The following VAT1 variants were observed in gnomAD, a reference collection of about 807,000 sequenced individuals.
VAT1 encodes NADPH-dependent quinone oxidoreductase VAT1.
Under a neutral mutation model 33.3 loss-of-function variants are expected in VAT1, and 24 were observed. That is an observed-to-expected ratio of 0.72 (90% CI 0.52 to 1.01). The LOEUF (loss-of-function observed/expected upper bound fraction) is 1.01. VAT1 is among the 50% of genes least tolerant of loss of function. The pLI, the probability that VAT1 is intolerant of heterozygous loss-of-function variation, is 0.00. For synonymous variants in VAT1, 212 were observed against 225.0 expected (o/e 0.94, Z 0.52); for missense variants, 436 against 533.7 (o/e 0.82, Z 1.80).
rs770970695 is a variant in VAT1 at position 43,018,748 on chromosome 17, C to T, written c.439G>A (p.Val147Met). Residue 147 changes from valine (V) to methionine (M), a missense_variant, in exon 2 of 6, where the codon GTG becomes ATG. Coordinates refer to ENST00000355653, the MANE Select transcript of VAT1 (RefSeq NM_006373.4). ...AAGGTCTGGACCGAGGGCACAGTCA[C>T]CTCTTCCTGCCACATCCCTGACCGG... ...LNRSGMWQEEVTVPSVQTFLI... is the reference protein window; with the variant it reads ...LNRSGMWQEEMTVPSVQTFLI... 7 of 1,614,014 alleles carry T rather than the reference C, an allele frequency of 4.3e-6. No homozygotes were observed. The African/African-American group carries it at 8.0e-5, about 18-fold the overall frequency.
chr17:43,018,957 CAACAAT>C, intron 1 of VAT1, 158 bp from the exon 2 acceptor site: 1 of 746,334 alleles, frequency 1.3e-6, no homozygotes, highest in East Asian at 2.7e-5. Context: ...TCATCATCAA[CAACAAT>C]AACAACTCAC....
chr17:43,018,961 A>G, intron 1 of VAT1, 162 bp from the exon 2 acceptor site: 2 of 739,484 alleles, frequency 2.7e-6, no homozygotes, highest in Non-Finnish European at 4.4e-6. Context: ...CATCAACAAC[A>G]ATAACAACTC....
chr17:43,015,916 G>A lies in VAT1; in HGVS notation c.*145C>T. On this transcript the variant is annotated 3_prime_UTR_variant, in exon 6 of 6. Transcript: ENST00000355653. ...AGGTCAGGAAGCGGGGAGGGGCAGG[G>A]GAGAGCGGTCATCACCACAGAGACC... 4 of 877,566 alleles carry A rather than the reference G, an allele frequency of 4.6e-6. No individual in the cohort carries two copies. The highest frequency in any genetic ancestry group is 7.4e-6 in the Non-Finnish European group (4 of 542,894). The allele number at this position is 877,566 out of a possible 1,614,324, so 54.4% of individuals were successfully genotyped here.
chr17:43,022,278 G>C lies in VAT1; in HGVS notation c.45C>G (p.Asp15Glu), dbSNP rs994582685. ...REVAEAATGEDASSPPPKTEA... is the reference protein window; with the variant it reads ...REVAEAATGEEASSPPPKTEA... ...CGGTTTTCGGAGGCGGCGAAGAGGC[G>C]TCTTCCCCGGTCGCTGCCTCGGCTA... The change falls in exon 1 of 6, where the codon GAC becomes GAG. Residue 15 changes from aspartate to glutamate, a missense_variant. Around this residue, in one of 2 missense-constraint regions of VAT1, gnomAD observed 154 missense variants for 128.3 expected, o/e 1.20. Coordinates refer to ENST00000355653, the MANE Select transcript of VAT1 (RefSeq NM_006373.4). 6.3e-7 allele frequency: 1 copy of C among 1,588,774 alleles called. No homozygotes were observed. The highest frequency in any genetic ancestry group is 1.3e-5 in the African/African-American group (1 of 74,350).
At chr17:43,020,844 C>T (rs1420377620) in intron 1 of VAT1, among the ~76,000 whole-genome samples, 3 of 145,916 alleles carry the variant, frequency 2.1e-5, no homozygotes, top group Non-Finnish European at 1.5e-5. Flanking sequence ...CATTGCACTC[C>T]AGCCTGGGCA....
chr17:43,021,155 C>G (rs980397036), intron 1 of VAT1, among the ~76,000 whole-genome samples: 1 of 152,222 alleles, frequency 6.6e-6, no homozygotes, highest in Non-Finnish European at 1.5e-5. Flanking sequence ...GTGGGTCCCC[C>G]CTTCCACTCC....
At position 43,022,168 on chromosome 17, in the gene VAT1, A is replaced by G. The variant is rs1013778797; in HGVS notation, c.155T>C (p.Val52Ala). 2 of 1,559,074 alleles carry G rather than the reference A, an allele frequency of 1.3e-6. No homozygotes were observed. Among genetic ancestry groups the G allele is most frequent in the Non-Finnish European group, 1.7e-6 (2 of 1,151,226 alleles). ...AASPPLLRCL[V>A]LTGFGGYDKV... Reference sequence around the variant, plus strand: ...GTCGTAGCCTCCAAAGCCGGTGAGCACTAGGCAGCGCAGCAGTGGCGGCGA... The same window carrying G: ...GTCGTAGCCTCCAAAGCCGGTGAGCGCTAGGCAGCGCAGCAGTGGCGGCGA... The change falls in exon 1 of 6, where the codon GTG becomes GCG. Residue 52 changes from valine (V) to alanine (A), a missense_variant. Transcript: ENST00000355653.
At position 43,014,896 on chromosome 17, in the gene VAT1, C is replaced by G. The variant is rs2050508375; in HGVS notation, c.*1165G>C. 6.5e-6 allele frequency: 1 copy of G among 152,706 alleles called. No individual in the cohort carries two copies. Among genetic ancestry groups the G allele is most frequent in the Admixed American group, 6.5e-5 (1 of 15,276 alleles). 9.5% of individuals were successfully genotyped at this position (152,706 alleles called of 1,614,324 possible). ...GTACTTCCCTGCTCCATCTCCCCAC[C>G]CATGTAAACAGAGTTTTGGGCTGAG... On this transcript the variant is annotated 3_prime_UTR_variant, in exon 6 of 6. Coordinates refer to ENST00000355653, the MANE Select transcript of VAT1 (RefSeq NM_006373.4).
intron 1 of VAT1, among the ~76,000 whole-genome samples, chr17:43,021,066 G>T (rs951673762): frequency 6.6e-6 from 1 of 152,076 alleles, no homozygotes; most frequent in Non-Finnish European, 1.5e-5. Flanking sequence ...AGTTCAAGGC[G>T]CCGCACCTCT....
chr17:43,015,453 C>G lies in VAT1; in HGVS notation c.*608G>C, dbSNP rs558454689. On this transcript the variant is annotated 3_prime_UTR_variant, in exon 6 of 6. Transcript: ENST00000355653. ...GTGACCTAGGGGAGTAGGTCTGATTCCCGCCCTGTTGGAAGAGGCAGCCTT... is the reference window on the plus strand; with the variant it reads ...GTGACCTAGGGGAGTAGGTCTGATTGCCGCCCTGTTGGAAGAGGCAGCCTT... 2.6e-5 allele frequency: 4 copies of G among 155,296 alleles called. No individual in the cohort carries two copies. Among genetic ancestry groups the G allele is most frequent in the African/African-American group, 9.7e-5 (4 of 41,378 alleles). The allele number at this position is 155,296 out of a possible 1,614,324, so 9.6% of individuals were successfully genotyped here. A position where few individuals can be genotyped will look rare whatever the true frequency, so the allele number is the denominator to read the frequency against.
rs1390244149 is a variant in VAT1, at chr17:43,018,055, G to C, written c.747C>G (p.Ile249Met). The change falls in exon 3 of 6, where the codon ATC (isoleucine) becomes ATG (methionine). Residue 249 changes from isoleucine to methionine, a missense_variant. Coordinates refer to ENST00000355653, the MANE Select transcript of VAT1 (RefSeq NM_006373.4). ...DYHTTDYVDE[I>M]KKISPKGVDI... The stretch of plus-strand genomic sequence containing the variant: ...CCCCACCTTTAGGGGAAATCTTCTT[G>C]ATCTCATCCACGTAGTCAGTCGTGT... 1 of 1,613,088 alleles carries C rather than the reference G, an allele frequency of 6.2e-7. No homozygotes were observed. Among genetic ancestry groups the C allele is most frequent in the Non-Finnish European group, 8.5e-7 (1 of 1,179,598 alleles).
Position 43,014,832 on chromosome 17 carries a change from T to C in VAT1, c.*1229A>G, listed in dbSNP as rs2050507906. The C allele has an allele frequency of 6.5e-6, 1 of 152,948 alleles. No individual in the cohort carries two copies. Among genetic ancestry groups the C allele is most frequent in the African/African-American group, 2.4e-5 (1 of 41,430 alleles). 9.5% of individuals were successfully genotyped at this position (152,948 alleles called of 1,614,324 possible). On this transcript the variant is annotated 3_prime_UTR_variant, in exon 6 of 6. Transcript: ENST00000355653. ...GACCTCCCTACCCAGGAAGTCCCCA[T>C]TTTGGTTGCAATGGCCCAGGTCCTG...
chr17:43,018,205 C>A lies in VAT1; in HGVS notation c.597G>T (p.Gly199=). The A allele has an allele frequency of 1.9e-6, 3 of 1,604,928 alleles. No homozygotes were observed. Among genetic ancestry groups the A allele is most frequent in the South Asian group, 1.1e-5 (1 of 90,740 alleles). The change falls in exon 3 of 6, where the codon GGG becomes GGT. Residue 199 remains glycine, a splice_region_variant and synonymous_variant. Coordinates refer to ENST00000355653, the MANE Select transcript of VAT1 (RefSeq NM_006373.4). ...GCTGCACGGCAGCCATACCCACACC[C>A]CCTGCAGCAAGACACCCATAAGCAG... ...GHSVLVHMAA[G]GVGMAAVQLC...
Position 43,016,147 on chromosome 17 carries a change from GGGGA to G in VAT1, c.1099-7_1099-4del. 1.9e-6 allele frequency: 3 copies of G among 1,614,120 alleles called. No individual in the cohort carries two copies. The highest frequency in any genetic ancestry group is 2.5e-6 in the Non-Finnish European group (3 of 1,180,004). ...ATCTGTTTCATGGCATCAGCCACCT[GGGGA>G]GGAAGGAAAGATGCGGCTCCCAGTG... On this transcript the variant is annotated splice_polypyrimidine_tract_variant and splice_region_variant and intron_variant, in intron 5 of 5. Transcript: ENST00000355653.
chr17:43,021,709 C>A (rs2151972156), intron 1 of VAT1, among the ~76,000 whole-genome samples: 1 of 151,984 alleles, frequency 6.6e-6, no homozygotes, highest in South Asian at 2.1e-4. Flanking sequence ...GCGGCGGCCA[C>A]AACTAAAAAT....
In VAT1 at chr17:43,015,181, G is replaced by A. The variant is rs1187340801; in HGVS notation, c.*880C>T. On this transcript the variant is annotated 3_prime_UTR_variant, in exon 6 of 6. Transcript: ENST00000355653. ...TGCCCTGCCTCCCCAGGAGGCTTGG[G>A]GCTGCCCCACCCAATGGCACATACA... 1 of 152,684 alleles carries A rather than the reference G, an allele frequency of 6.5e-6. No individual in the cohort carries two copies. The highest frequency in any genetic ancestry group is 1.5e-5 in the Non-Finnish European group (1 of 68,118). The allele number at this position is 152,684 out of a possible 1,614,324, so 9.5% of individuals were successfully genotyped here.
intron 4 of VAT1, 94 bp from the exon 5 acceptor site, chr17:43,016,642 T>G (rs1751507333): frequency 2.6e-6 from 4 of 1,520,846 alleles, no homozygotes; most frequent in Non-Finnish European, 3.6e-6. Flanking sequence ...CCCCTTGCAA[T>G]TCTCCACACC....
At position 43,022,207 on chromosome 17, in the gene VAT1, G is replaced by A. The variant is rs11539628; in HGVS notation, c.116C>T (p.Ala39Val). ...CAGTGGCGGCGAGGCGGCGGCGGCG[G>A]CGGCCCCTTCGGAGGCCGCGGGATG... The part of the protein sequence containing the change: ...PQHPAASEGA[A>V]AAAASPPLLR... Residue 39 changes from alanine to valine, a missense_variant, in exon 1 of 6, where the codon GCC becomes GTC. Around this residue, in one of 2 missense-constraint regions of VAT1, gnomAD observed 154 missense variants for 128.3 expected, o/e 1.20. Transcript: ENST00000355653. 6.4e-7 allele frequency: 1 copy of A among 1,559,278 alleles called. No individual in the cohort carries two copies. The highest frequency in any genetic ancestry group is 1.4e-5 in the African/African-American group (1 of 73,034).
chr17:43,016,570 C>A (rs1436157920), intron 4 of VAT1, 22 bp from the exon 5 acceptor site: 2 of 1,610,080 alleles, frequency 1.2e-6, no homozygotes, highest in African/African-American at 2.7e-5. Context: ...GGTGACATAG[C>A]CTGTGAACCC....
Sources: gnomAD v4.1 joint callset for allele counts (sites outside exome capture counted in the v4.1 genomes callset) on GRCh38, gnomAD v4.1.1 for gene constraint, gnomAD v4.1.1 regional missense constraint, MANE v1.5 for transcripts, NCBI Gene and HGNC (gene_info 2026-07-23, HGNC 2026-07-21) for gene names.